The following CDH3 variants were observed in gnomAD, a reference collection of about 807,000 sequenced individuals.
The protein encoded by CDH3 is cadherin 3.
CDH3 carries 54 observed loss-of-function variants against 82.0 expected under a neutral mutation model. The ratio of observed to expected loss-of-function variants is 0.66; its 90% CI spans 0.53 to 0.83. CDH3 has a LOEUF of 0.83. Ranked by LOEUF, CDH3 falls within the 40% of genes least tolerant of loss-of-function variation. The pLI is 0.00. For missense variants in CDH3, 1,054 were observed against 1,084.6 expected (o/e 0.97, Z 0.40); for synonymous variants, 446 against 437.9 (o/e 1.02, Z -0.23).
Position 68,712,037 on chromosome 16 carries a change from C to CTT in CDH3, c.100-10371_100-10370dup, listed in dbSNP as rs58452743. ...TTTGTTTCTTGGGTTTTTTTGTTTT[C>CTT]TTTTTTTTTTTTTTTTTTGAGACAG... On this transcript the variant is annotated intron_variant, in intron 1 of 2. Coordinates refer to the CDH3 transcript ENST00000569080. 3.3e-3 allele frequency among the ~76,000 whole-genome samples: 396 copies of CTT among 119,412 alleles called. 16 individuals are homozygous for CTT. The highest frequency in any genetic ancestry group is 4.9e-3 in the Admixed American group (52 of 10,548). 78.3% of individuals were successfully genotyped at this position (119,412 alleles called of 152,430 possible).
In CDH3 at chr16:68,695,316, A is replaced by T; in HGVS notation, c.2064A>T (p.Leu688=). Residue 688 remains leucine, a synonymous_variant, in exon 14 of 16, where the codon CTA becomes CTT. Transcript: ENST00000264012. ...RKKRKIKEPL[L]LPEDDTRDNV... The stretch of plus-strand genomic sequence containing the variant: ...AGCGGAAGATCAAGGAGCCCCTCCT[A>T]CTCCCAGAAGATGACACCCGTGACA... The T allele has an allele frequency of 6.2e-7, 1 of 1,613,868 alleles. No homozygotes were observed. Among genetic ancestry groups the T allele is most frequent in the Non-Finnish European group, 8.5e-7 (1 of 1,179,980 alleles).
rs1961449893 is a variant in CDH3, at chr16:68,687,582, C to T, written c.1641C>T (p.Val547=). ...TTGATGTCAATGACCATGGCCCAGT[C>T]CCTGAGCCCCGTCAGATCACCATCT... is the stretch of plus-strand genomic sequence containing the variant. ...TLIDVNDHGP[V]PEPRQITICN... The change falls in exon 12 of 16, where the codon GTC becomes GTT. Residue 547 remains valine (V), a synonymous_variant. Transcript: ENST00000264012. The T allele has an allele frequency of 6.2e-7, 1 of 1,614,100 alleles. No individual in the cohort carries two copies. Among genetic ancestry groups the T allele is most frequent in the Non-Finnish European group, 8.5e-7 (1 of 1,180,002 alleles).
At chr16:68,669,712 G>A (rs1362514262) in intron 2 of CDH3, among the ~76,000 whole-genome samples, 1 of 152,136 alleles carries the variant, frequency 6.6e-6, no homozygotes, top group African/African-American at 2.4e-5. Context: ...GGGTTACCTG[G>A]TGGGAGAGGA....
chr16:68,680,681 A>G (rs1961195019), intron 7 of CDH3, among the ~76,000 whole-genome samples: 1 of 152,186 alleles, frequency 6.6e-6, no homozygotes, highest in Non-Finnish European at 1.5e-5. Flanking sequence ...CCTGTCTCAA[A>G]AACAAAAGCA....
At chr16:68,688,723 T>C (rs1377538247) in intron 12 of CDH3, among the ~76,000 whole-genome samples, 1 of 151,992 alleles carries the variant, frequency 6.6e-6, no homozygotes, top group Admixed American at 6.5e-5. Context: ...GCTTCCCGGG[T>C]TCAAGCAATT....
chr16:68,727,730 G>A (rs754802339), downstream of CDH3, among the ~76,000 whole-genome samples: 1 of 152,046 alleles, frequency 6.6e-6, no homozygotes, highest in Admixed American at 6.6e-5. Context: ...CCAACATGGT[G>A]AAACCCCATC....
At chr16:68,675,822 G>C (rs1257535745) in intron 2 of CDH3, among the ~76,000 whole-genome samples, 1 of 151,480 alleles carries the variant, frequency 6.6e-6, no homozygotes, top group Non-Finnish European at 1.5e-5. Context: ...AGAAAAAAAA[G>C]TGGGGGATAA....
chr16:68,698,413 C>A lies in CDH3; in HGVS notation c.*13C>A. On this transcript the variant is annotated 3_prime_UTR_variant, in exon 16 of 16. Coordinates refer to ENST00000264012, the MANE Select transcript of CDH3 (RefSeq NM_001793.6). ...GGAGGACGACTAGGCGGCCTGCCTG[C>A]AGGGCTGGGGACCAAACGTCAGGCC... 1 of 1,612,158 alleles carries A rather than the reference C, an allele frequency of 6.2e-7. No homozygotes were observed. The highest frequency in any genetic ancestry group is 1.7e-5 in the Admixed American group (1 of 60,036).
At chr16:68,705,318 C>A (rs975147200) in intron 1 of CDH3, among the ~76,000 whole-genome samples, 5 of 152,168 alleles carry the variant, frequency 3.3e-5, no homozygotes, top group Admixed American at 2.0e-4. Flanking sequence ...ACAAAAGCCA[C>A]AGCATTCCCA....
At chr16:68,706,580 T>A (rs1961967590) in intron 1 of CDH3, among the ~76,000 whole-genome samples, 1 of 123,686 alleles carries the variant, frequency 8.1e-6, no homozygotes, top group African/African-American at 3.2e-5. Context: ...TGAGACAGAG[T>A]CTCACTCTGT....
At position 68,645,677 on chromosome 16, in the gene CDH3, G is replaced by T. The variant is rs917565987; in HGVS notation, c.87G>T (p.Ala29=). 15 of 1,545,276 alleles carry T rather than the reference G, an allele frequency of 9.7e-6. No individual in the cohort carries two copies. The highest frequency in any genetic ancestry group is 1.3e-5 in the Non-Finnish European group (15 of 1,146,668). Residue 29 remains alanine, a synonymous_variant, in exon 2 of 16, where the codon GCG becomes GCT. Coordinates refer to ENST00000264012, the MANE Select transcript of CDH3 (RefSeq NM_001793.6). Reference sequence around the variant, plus strand: ...GCGCGGCCTCCGAGCCGTGCCGGGCGGTCTTCAGGGAGGCTGAAGTGACCT... The same window carrying T: ...GCGCGGCCTCCGAGCCGTGCCGGGCTGTCTTCAGGGAGGCTGAAGTGACCT... ...LQCAASEPCR[A]VFREAEVTLE... is the part of the protein sequence containing the mutation.
intron 11 of CDH3, chr16:68,686,493 G>A: frequency 8.4e-7 from 1 of 1,191,384 alleles, no homozygotes; most frequent in Non-Finnish European, 1.3e-6. Flanking sequence ...AAAATCTCAA[G>A]GAAAAGTATT....
chr16:68,680,093 C>A, intron 7 of CDH3, 119 bp downstream of exon 7: 2 of 980,046 alleles, frequency 2.0e-6, no homozygotes, highest in Non-Finnish European at 3.2e-6. Context: ...TGAGGACCCA[C>A]GTCAGCTGGG....
downstream of CDH3, among the ~76,000 whole-genome samples, chr16:68,704,318 G>A (rs1325540883): frequency 6.6e-6 from 1 of 152,110 alleles, no homozygotes; most frequent in African/African-American, 2.4e-5. Context: ...ATATCTGTAA[G>A]GGCTTGGAAG....
chr16:68,680,936 C>G (rs1961205609), intron 7 of CDH3, 32 bp from the exon 8 acceptor site: 1 of 1,613,430 alleles, frequency 6.2e-7, no homozygotes, highest in African/African-American at 1.3e-5. Context: ...AGATTAAACT[C>G]ACAATGGGCT....
At chr16:68,660,982 A>G (rs1960559204) in intron 2 of CDH3, among the ~76,000 whole-genome samples, 4 of 146,040 alleles carry the variant, frequency 2.7e-5, no homozygotes, top group Admixed American at 2.0e-4. Context: ...AAAAAAAAAA[A>G]GAAGAAAATT....
chr16:68,647,657 C>G (rs1597786755), intron 2 of CDH3, among the ~76,000 whole-genome samples: 1 of 152,082 alleles, frequency 6.6e-6, no homozygotes, highest in South Asian at 2.1e-4. Flanking sequence ...CTGCTGCTTG[C>G]TTTTTTAAGT....
At chr16:68,697,196 C>T (rs1961753231) in intron 15 of CDH3, among the ~76,000 whole-genome samples, 2 of 151,602 alleles carry the variant, frequency 1.3e-5, no homozygotes, top group African/African-American at 4.9e-5. Flanking sequence ...TCCTGGTGGG[C>T]GCCTGTAGTC....
chr16:68,645,425 G>A lies in CDH3; in HGVS notation c.45+1G>A. On this transcript the variant is annotated splice_donor_variant, in intron 1 of 15. Transcript: ENST00000264012. LOFTEE classifies it high-confidence loss of function. ...TCTCGCGTCTCTCCTCCTTCTCCAG[G>A]TACTCCACAGCCTCGCCGTGGCCCC... 6.2e-7 allele frequency: 1 copy of A among 1,613,294 alleles called. No individual in the cohort carries two copies. The highest frequency in any genetic ancestry group is 8.5e-7 in the Non-Finnish European group (1 of 1,179,758).
Sources: gnomAD v4.1 joint callset for allele counts (sites outside exome capture counted in the v4.1 genomes callset) on GRCh38, gnomAD v4.1.1 for gene constraint, MANE v1.5 for transcripts, NCBI Gene and HGNC (gene_info 2026-07-23, HGNC 2026-07-21) for gene names.